The following GLRA3 variants were observed in gnomAD, a reference collection of about 807,000 sequenced individuals.
GLRA3 encodes the protein glycine receptor alpha 3.
A neutral mutation model predicts 60.4 loss-of-function variants in GLRA3; 44 were observed. That is an observed-to-expected ratio of 0.73 (90% CI 0.57 to 0.94). The LOEUF (loss-of-function observed/expected upper bound fraction) is 0.94, where lower values mean the gene tolerates loss of function less well. Ranked by LOEUF, GLRA3 falls within the 40% of genes least tolerant of loss-of-function variation. The pLI, the probability that GLRA3 is intolerant of heterozygous loss-of-function variation, is 0.00. For missense variants in GLRA3, 508 were observed against 564.6 expected (o/e 0.90, Z 1.02); for synonymous variants, 223 against 192.9 (o/e 1.16, Z -1.29).
chr4:174,794,755 C>T (rs1231387436), intron 1 of GLRA3, among the ~76,000 whole-genome samples: 3 of 152,108 alleles, frequency 2.0e-5, no homozygotes, highest in Admixed American at 1.3e-4. Context: ...GCAATAACTG[C>T]TTTCCTGAAA....
Position 174,707,696 on chromosome 4 carries a change from C to T in GLRA3, c.574+7792G>A, listed in dbSNP as rs116333798. Among the ~76,000 whole-genome samples, 433 of 152,224 alleles carry T rather than the reference C, an allele frequency of 2.8e-3. 3 individuals are homozygous for T. The highest frequency in any genetic ancestry group is 9.8e-3 in the African/African-American group (409 of 41,540). ...AGATAATTTAAGGATACCACAATTACAATTTATAAATATTTGGAAATCATC... is the reference window on the plus strand; with the variant it reads ...AGATAATTTAAGGATACCACAATTATAATTTATAAATATTTGGAAATCATC... On this transcript the variant is annotated intron_variant, in intron 5 of 9. Transcript: ENST00000274093.
At chr4:174,779,792 T>G (rs1279335914) in intron 2 of GLRA3, among the ~76,000 whole-genome samples, 1 of 151,122 alleles carries the variant, frequency 6.6e-6, no homozygotes, top group Non-Finnish European at 1.5e-5. Context: ...GAGCAAAGCC[T>G]CCAAGAAATA....
intron 3 of GLRA3, among the ~76,000 whole-genome samples, chr4:174,735,274 A>G (rs922500092): frequency 1.3e-5 from 2 of 152,168 alleles, no homozygotes; most frequent in African/African-American, 4.8e-5. Flanking sequence ...AAGTTTCTAC[A>G]TCATTTTTCT....
intron 9 of GLRA3, among the ~76,000 whole-genome samples, chr4:174,645,901 T>C (rs1173406451): frequency 2.6e-5 from 4 of 152,224 alleles, no homozygotes; most frequent in African/African-American, 9.6e-5. Flanking sequence ...ATGTAAATGC[T>C]AAAATAGCAT....
intron 1 of GLRA3, among the ~76,000 whole-genome samples, chr4:174,823,896 A>G (rs1740852389): frequency 6.6e-6 from 1 of 152,220 alleles, no homozygotes; most frequent in African/African-American, 2.4e-5. Flanking sequence ...CAACTTCATC[A>G]CTTGGTTCTA....
At chr4:174,691,904 G>A (rs984493271) in intron 5 of GLRA3, among the ~76,000 whole-genome samples, 78 of 151,690 alleles carry the variant, frequency 5.1e-4, no homozygotes, top group African/African-American at 1.9e-3. Flanking sequence ...TCTGGAAAGT[G>A]AGGAGCTTCT....
At chr4:174,768,901 C>T (rs1738263296) in intron 2 of GLRA3, among the ~76,000 whole-genome samples, 1 of 152,044 alleles carries the variant, frequency 6.6e-6, no homozygotes, top group Non-Finnish European at 1.5e-5. Context: ...ATATTTTGTG[C>T]TAGGGGCTAA....
chr4:174,806,096 G>C (rs1379937627), intron 1 of GLRA3, among the ~76,000 whole-genome samples: 1 of 152,096 alleles, frequency 6.6e-6, no homozygotes, highest in Non-Finnish European at 1.5e-5. Flanking sequence ...TCCTGTTCTT[G>C]TTCCTTGTAA....
intron 1 of GLRA3, among the ~76,000 whole-genome samples, chr4:174,811,819 A>G (rs1740287008): frequency 6.6e-6 from 1 of 152,154 alleles, no homozygotes; most frequent in South Asian, 2.1e-4. Context: ...CTTATATTCT[A>G]AATATACCTC....
rs939147247 is a variant in GLRA3 at position 174,639,722 on chromosome 4, A to G, written c.*4064T>C. On this transcript the variant is annotated 3_prime_UTR_variant, in exon 10 of 10. Transcript: ENST00000274093. ...ACTTTTTAATATCACTATGTTTGTA[A>G]AGAGGAATGGGGGCTGAGATAAAAG... 1 of 152,104 alleles carries G rather than the reference A, an allele frequency of 6.6e-6. No homozygotes were observed. Among genetic ancestry groups the G allele is most frequent in the African/African-American group, 2.4e-5 (1 of 41,420 alleles). 9.4% of individuals were successfully genotyped at this position (152,104 alleles called of 1,614,324 possible). A position where few individuals can be genotyped will look rare whatever the true frequency, so the allele number is the denominator to read the frequency against.
Position 174,682,994 on chromosome 4 carries a change from G to T in GLRA3, c.575-55C>A, listed in dbSNP as rs1418063206. 7 of 1,423,810 alleles carry T rather than the reference G, an allele frequency of 4.9e-6. No individual in the cohort carries two copies. In the East Asian group the frequency reaches 9.1e-5, roughly 19 times the overall value. 88.2% of individuals were successfully genotyped at this position (1,423,810 alleles called of 1,614,324 possible). A position where few individuals can be genotyped will look rare whatever the true frequency, so the allele number is the denominator to read the frequency against. On this transcript the variant is annotated intron_variant, in intron 5 of 9. Transcript: ENST00000274093. ...GTCTAAAAAGGGCATTCAAAGAAAA[G>T]AAATGCAAATTACTTTATAGTCACA...
At chr4:174,726,213 G>C (rs1211139739) in intron 4 of GLRA3, among the ~76,000 whole-genome samples, 1 of 152,336 alleles carries the variant, frequency 6.6e-6, no homozygotes, top group Admixed American at 6.5e-5. Context: ...TTTCTGCAGG[G>C]AAAGGGAGGA....
intron 5 of GLRA3, among the ~76,000 whole-genome samples, chr4:174,714,205 A>G (rs112302961): frequency 6.6e-6 from 1 of 152,136 alleles, no homozygotes; most frequent in Non-Finnish European, 1.5e-5. Context: ...CTTGCCCCTT[A>G]TATGTTGAAC....
intron 5 of GLRA3, among the ~76,000 whole-genome samples, chr4:174,715,175 C>G (rs1735866667): frequency 6.6e-6 from 1 of 152,144 alleles, no homozygotes; most frequent in African/African-American, 2.4e-5. Context: ...AAGAGGCTCC[C>G]AATAAATAAG....
At chr4:174,701,950 C>G (rs1427175457) in intron 5 of GLRA3, among the ~76,000 whole-genome samples, 1 of 152,050 alleles carries the variant, frequency 6.6e-6, no homozygotes, top group Non-Finnish European at 1.5e-5. Flanking sequence ...GTGAAGACAC[C>G]GTGAACATTG....
At chr4:174,729,837 C>A (rs1010583332) in intron 3 of GLRA3, among the ~76,000 whole-genome samples, 1 of 152,146 alleles carries the variant, frequency 6.6e-6, no homozygotes, top group Non-Finnish European at 1.5e-5. Context: ...ATCTATTTTT[C>A]TATTTCTTGA....
chr4:174,828,213 G>T (rs1741055256), intron 1 of GLRA3, among the ~76,000 whole-genome samples: 1 of 152,026 alleles, frequency 6.6e-6, no homozygotes, highest in African/African-American at 2.4e-5. Context: ...TTGCCTTCAT[G>T]TATTACCTGA....
At chr4:174,665,345 C>G (rs1348510855) in intron 7 of GLRA3, among the ~76,000 whole-genome samples, 1 of 150,542 alleles carries the variant, frequency 6.6e-6, no homozygotes, top group Non-Finnish European at 1.5e-5. Flanking sequence ...TTCAGGGAAA[C>G]TATCTTCAAA....
intron 2 of GLRA3, among the ~76,000 whole-genome samples, chr4:174,774,055 T>G (rs2111255905): frequency 6.6e-6 from 1 of 151,692 alleles, no homozygotes; most frequent in Admixed American, 6.6e-5. Flanking sequence ...GCTTGCAGAG[T>G]TGGAGTCTGA....
Sources: allele counts gnomAD v4.1 joint callset (sites outside exome capture counted in the v4.1 genomes callset), GRCh38; gene constraint gnomAD v4.1.1; transcripts MANE v1.5; gene names NCBI Gene and HGNC (gene_info 2026-07-23, HGNC 2026-07-21).